The following UTRN variants were observed in gnomAD, a reference collection of about 807,000 sequenced individuals.
The protein encoded by UTRN is utrophin.
A neutral mutation model predicts 463.9 loss-of-function variants in UTRN; 283 were observed. The observed-to-expected ratio is 0.61, with a 90% CI of 0.55 to 0.67. The LOEUF is 0.67. Among genes scored for constraint, UTRN ranks in the 30% least tolerant of loss-of-function variants. The pLI is 0.00. For missense variants in UTRN, 3,922 were observed against 4,084.3 expected (o/e 0.96, Z 1.08); for synonymous variants, 1,442 against 1,431.5 (o/e 1.01, Z -0.17).
At chr6:144,377,302 G>T (rs1228311058) in intron 2 of UTRN, among the ~76,000 whole-genome samples, 1 of 152,192 alleles carries the variant, frequency 6.6e-6, no homozygotes, top group Non-Finnish European at 1.5e-5. Flanking sequence ...CTCCCAAAGT[G>T]CTGGGATTAC....
chr6:144,656,836 T>C (rs972562668), intron 51 of UTRN, among the ~76,000 whole-genome samples: 2 of 152,226 alleles, frequency 1.3e-5, no homozygotes, highest in African/African-American at 4.8e-5. Flanking sequence ...AGTGAGAGTA[T>C]AGTTACCCTG....
chr6:144,424,426 C>G (rs115191324), intron 6 of UTRN, among the ~76,000 whole-genome samples: 1,935 of 152,234 alleles, frequency 0.013, 34 homozygotes, highest in African/African-American at 0.043. Context: ...GGACATCAGT[C>G]ATATTGGATT....
At chr6:144,807,915 A>C (rs917113506) in intron 65 of UTRN, among the ~76,000 whole-genome samples, 1 of 152,176 alleles carries the variant, frequency 6.6e-6, no homozygotes, top group East Asian at 1.9e-4. Context: ...CTAGTTATAG[A>C]ATATTAAAGC....
intron 71 of UTRN, among the ~76,000 whole-genome samples, chr6:144,838,351 T>C (rs1781275156): frequency 6.6e-6 from 1 of 152,022 alleles, no homozygotes; most frequent in African/African-American, 2.4e-5. Flanking sequence ...CAATTTAGGA[T>C]GATGAATGCT....
Position 144,551,072 on chromosome 6 carries a change from T to G in UTRN, c.6918T>G (p.Ile2306Met). Residue 2306 changes from isoleucine (I) to methionine (M), a missense_variant, in exon 48 of 75, where the codon ATT becomes ATG. Physicochemically the swap from Ile to Met is conservative, Grantham distance 10. Coordinates refer to ENST00000367545, the MANE Select transcript of UTRN (RefSeq NM_007124.3). ...CCAGTTCAGATATGAGAACAGCAATTACAGAAAAATGTAAGTTTTTTAAAA... is the reference window on the plus strand; with the variant it reads ...CCAGTTCAGATATGAGAACAGCAATGACAGAAAAATGTAAGTTTTTTAAAA... ...KASSSDMRTA[I>M]TEKLERVKNQ... The G allele has an allele frequency of 6.3e-7, 1 of 1,589,776 alleles. No homozygotes were observed. The highest frequency in any genetic ancestry group is 8.5e-7 in the Non-Finnish European group (1 of 1,173,616).
chr6:144,456,052 A>T (rs1190652397), intron 19 of UTRN, among the ~76,000 whole-genome samples: 1 of 152,162 alleles, frequency 6.6e-6, no homozygotes, highest in Non-Finnish European at 1.5e-5. Context: ...TTAGAAATGC[A>T]TTCATTAGAG....
intron 48 of UTRN, among the ~76,000 whole-genome samples, chr6:144,552,125 T>C (rs1798975874): frequency 1.3e-5 from 2 of 152,222 alleles, no homozygotes; most frequent in South Asian, 4.1e-4. Flanking sequence ...AATAAATATT[T>C]GTGACAAAAT....
intron 34 of UTRN, among the ~76,000 whole-genome samples, chr6:144,510,439 A>T (rs1795076539): frequency 6.6e-6 from 1 of 152,210 alleles, no homozygotes; most frequent in Non-Finnish European, 1.5e-5. Context: ...TATTCAGTAT[A>T]TTATATGTGA....
At chr6:144,554,453 T>C (rs1176095663) in intron 48 of UTRN, among the ~76,000 whole-genome samples, 1 of 152,212 alleles carries the variant, frequency 6.6e-6, no homozygotes, top group Admixed American at 6.5e-5. Context: ...TTTTGGGAGT[T>C]GTTTTAGAGC....
In UTRN at chr6:144,426,423, A is replaced by T; in HGVS notation, c.542A>T (p.Asp181Val). 1 of 1,614,114 alleles carries T rather than the reference A, an allele frequency of 6.2e-7. No homozygotes were observed. Among genetic ancestry groups the T allele is most frequent in the South Asian group, 1.1e-5 (1 of 91,072 alleles). ...NVLNFTTSWTDGLAFNAVLHR... is the reference protein window; with the variant it reads ...NVLNFTTSWTVGLAFNAVLHR... ...CTCAACTTCACCACCAGCTGGACAG[A>T]TGGACTCGCCTTTAATGCTGTCCTC... The change falls in exon 7 of 75, where the codon GAT (aspartate) becomes GTT (valine). Residue 181 changes from aspartate to valine, a missense_variant. Around this residue, in one of 3 missense-constraint regions of UTRN, gnomAD observed 264 missense variants for 327.9 expected, o/e 0.81. Transcript: ENST00000367545.
intron 50 of UTRN, among the ~76,000 whole-genome samples, chr6:144,565,215 G>T (rs1029334502): frequency 2.0e-5 from 3 of 152,166 alleles, no homozygotes; most frequent in African/African-American, 7.2e-5. Flanking sequence ...AAGGATGAGT[G>T]GTGGTACCAT....
At chr6:144,597,514 A>G (rs968876848) in intron 51 of UTRN, among the ~76,000 whole-genome samples, 7 of 152,180 alleles carry the variant, frequency 4.6e-5, no homozygotes, top group African/African-American at 1.4e-4. Context: ...AAAATTCGAT[A>G]TAGTAGGAAA....
chr6:144,798,816 A>C (rs1777459228), intron 64 of UTRN, among the ~76,000 whole-genome samples: 2 of 152,238 alleles, frequency 1.3e-5, no homozygotes, highest in African/African-American at 2.4e-5. Flanking sequence ...ATCTTGGTTC[A>C]CTTCAACCTC....
chr6:144,510,893 T>C (rs781015453), intron 34 of UTRN, 51 bp from the exon 35 acceptor site: 1 of 1,417,184 alleles, frequency 7.1e-7, no homozygotes, highest in East Asian at 2.5e-5. Flanking sequence ...TTGTATATAC[T>C]TTTATAATAT....
At chr6:144,350,476 T>C (rs1020206030) in intron 2 of UTRN, among the ~76,000 whole-genome samples, 1 of 152,230 alleles carries the variant, frequency 6.6e-6, no homozygotes, top group Non-Finnish European at 1.5e-5. Flanking sequence ...AAAACATTAT[T>C]AAAAACTACC....
chr6:144,834,494 CT>C (rs1304933125), intron 69 of UTRN, among the ~76,000 whole-genome samples: 1 of 152,128 alleles, frequency 6.6e-6, no homozygotes, highest in Non-Finnish European at 1.5e-5. Context: ...TAGGATAAAC[CT>C]TTTCTAGGAA....
At chr6:144,434,111 C>G (rs185123949) in intron 9 of UTRN, among the ~76,000 whole-genome samples, 2,054 of 152,348 alleles carry the variant, frequency 0.013, 42 homozygotes, top group African/African-American at 0.047. Context: ...GAGGCCGAGG[C>G]TGGCGGATCA....
intron 51 of UTRN, among the ~76,000 whole-genome samples, chr6:144,613,019 ATCC>A (rs1407766467): frequency 6.6e-6 from 1 of 152,124 alleles, no homozygotes; most frequent in Non-Finnish European, 1.5e-5. Flanking sequence ...TATACTATTC[ATCC>A]TTTACAAATG....
intron 25 of UTRN, 123 bp downstream of exon 25, chr6:144,474,882 T>C: frequency 8.7e-7 from 1 of 1,152,522 alleles, no homozygotes. Flanking sequence ...AACTCCAGCA[T>C]GGGTAGTGAG....
Sources: gnomAD v4.1 joint callset for allele counts (sites outside exome capture counted in the v4.1 genomes callset) on GRCh38, gnomAD v4.1.1 for gene constraint, gnomAD v4.1.1 regional missense constraint, MANE v1.5 for transcripts, NCBI Gene and HGNC (gene_info 2026-07-23, HGNC 2026-07-21) for gene names.